Variants in DOCK5 observed in about 807,000 individuals in gnomAD.
DOCK5 encodes dedicator of cytokinesis 5.
In DOCK5, 142 loss-of-function variants were observed where a neutral mutation model predicts 251.8. The ratio of observed to expected loss-of-function variants is 0.56; its 90% CI spans 0.49 to 0.65. The LOEUF is 0.65. DOCK5 is among the 30% of genes least tolerant of loss of function. The pLI is 0.00. For synonymous variants in DOCK5, 842 were observed against 835.5 expected (o/e 1.01, Z -0.13); for missense variants, 2,111 against 2,312.3 (o/e 0.91, Z 1.79).
chr8:25,340,828 T>G, intron 22 of DOCK5, 49 bp from the exon 23 acceptor site: 1 of 1,485,424 alleles, frequency 6.7e-7, no homozygotes, highest in South Asian at 1.2e-5. Context: ...ATTTTAAAAT[T>G]TCTTTTAACA....
At chr8:25,219,253 A>G (rs1802323014) in intron 1 of DOCK5, among the ~76,000 whole-genome samples, 4 of 152,112 alleles carry the variant, frequency 2.6e-5, no homozygotes, top group Admixed American at 2.0e-4. Context: ...CCTTCCTTGT[A>G]CAGTTTTCTT....
rs186914611 is a variant in DOCK5, at chr8:25,236,486, G to T, written c.44-7188G>T. Among the ~76,000 whole-genome samples, 4 of 152,328 alleles carry T rather than the reference G, an allele frequency of 2.6e-5. No individual in the cohort carries two copies. In the East Asian group the frequency reaches 7.7e-4, roughly 29 times the overall value. ...ATCATTGCAGGAAAGCCAAGATGAAGATCAAAGATGAGTTGTGCCTCTTTA... is the reference window on the plus strand; with the variant it reads ...ATCATTGCAGGAAAGCCAAGATGAATATCAAAGATGAGTTGTGCCTCTTTA... On this transcript the variant is annotated intron_variant, in intron 1 of 51. Transcript: ENST00000276440.
At chr8:25,225,617 A>G (rs1802511991) in intron 1 of DOCK5, among the ~76,000 whole-genome samples, 1 of 151,938 alleles carries the variant, frequency 6.6e-6, no homozygotes. Flanking sequence ...GAGGCAGGAG[A>G]ATGGCATGAA....
chr8:25,322,462 G>A (rs1175563135), intron 16 of DOCK5, among the ~76,000 whole-genome samples: 1 of 152,162 alleles, frequency 6.6e-6, no homozygotes, highest in Non-Finnish European at 1.5e-5. Flanking sequence ...GCTAAAGCAG[G>A]ACCAGTGGAG....
At chr8:25,278,819 T>TA (rs1804113240) in intron 5 of DOCK5, among the ~76,000 whole-genome samples, 154 bp downstream of exon 5, 3 of 152,174 alleles carry the variant, frequency 2.0e-5, no homozygotes, top group Admixed American at 1.3e-4. Flanking sequence ...AGATTCTCAT[T>TA]TCCCCAGAGC....
At chr8:25,241,614 ACCACAAATACCATTTGAT>A (rs1463897660) in intron 1 of DOCK5, among the ~76,000 whole-genome samples, 3 of 152,240 alleles carry the variant, frequency 2.0e-5, no homozygotes, top group African/African-American at 7.2e-5. Flanking sequence ...AGGATCTAGA[ACCACAAATACCATTTGAT>A]CCAGTAATCC....
chr8:25,231,876 G>A (rs1046325936), intron 1 of DOCK5, among the ~76,000 whole-genome samples: 20 of 152,036 alleles, frequency 1.3e-4, no homozygotes, highest in Admixed American at 1.0e-3. Flanking sequence ...ATAGAGATCA[G>A]ATTTTACCAA....
intron 5 of DOCK5, among the ~76,000 whole-genome samples, chr8:25,282,849 C>CAAAAAAAAAA (rs56687628): frequency 2.5e-4 from 10 of 39,612 alleles, no homozygotes; most frequent in African/African-American, 7.8e-4. Flanking sequence ...GACCCTTTCT[C>CAAAAAAAAAA]AAAAAAAAAA....
intron 43 of DOCK5, among the ~76,000 whole-genome samples, 176 bp from the exon 44 acceptor site, chr8:25,392,620 T>A (rs1011041712): frequency 6.6e-6 from 1 of 152,178 alleles, no homozygotes; most frequent in Non-Finnish European, 1.5e-5. Flanking sequence ...GCTTTAAACA[T>A]CCAGAATCCT....
intron 30 of DOCK5, 117 bp downstream of exon 30, chr8:25,364,821 G>T: frequency 1.3e-6 from 1 of 756,892 alleles, no homozygotes; most frequent in Non-Finnish European, 2.1e-6. Flanking sequence ...AGGTTTTCCT[G>T]TGTTTTTTCA....
At chr8:25,408,265 C>T (rs1586403356) in intron 49 of DOCK5, 111 bp downstream of exon 49, 3 of 1,184,260 alleles carry the variant, frequency 2.5e-6, no homozygotes, top group Non-Finnish European at 3.5e-6. Flanking sequence ...TGGCTTGTTT[C>T]AGGACTCAGC....
intron 1 of DOCK5, 143 bp downstream of exon 1, chr8:25,185,094 G>A (rs907495247): frequency 2.0e-6 from 2 of 995,054 alleles, no homozygotes; most frequent in Non-Finnish European, 2.6e-6. Flanking sequence ...GCCGGGGACG[G>A]TAGGAGTCCT....
intron 2 of DOCK5, among the ~76,000 whole-genome samples, chr8:25,259,295 C>A (rs1467244507): frequency 1.3e-5 from 2 of 152,074 alleles, no homozygotes; most frequent in Non-Finnish European, 2.9e-5. Context: ...CTACTGTGCC[C>A]CAGCAGGGCC....
At chr8:25,410,419 A>G in intron 51 of DOCK5, among the ~76,000 whole-genome samples, 1 of 151,518 alleles carries the variant, frequency 6.6e-6, no homozygotes, top group African/African-American at 2.4e-5. Flanking sequence ...TGTTCTCTGT[A>G]CCTCGTCCTG....
At chr8:25,301,373 A>G (rs1309795657) in intron 9 of DOCK5, among the ~76,000 whole-genome samples, 1 of 152,168 alleles carries the variant, frequency 6.6e-6, no homozygotes, top group Non-Finnish European at 1.5e-5. Flanking sequence ...TCATTGATGT[A>G]TATCTTGGAG....
intron 9 of DOCK5, among the ~76,000 whole-genome samples, chr8:25,301,851 C>A (rs938296907): frequency 6.6e-6 from 1 of 152,176 alleles, no homozygotes; most frequent in Non-Finnish European, 1.5e-5. Context: ...TAAAGCAGTG[C>A]CTGTCTCATA....
chr8:25,366,219 G>A (rs953058169), intron 30 of DOCK5, among the ~76,000 whole-genome samples: 7 of 152,134 alleles, frequency 4.6e-5, no homozygotes, highest in East Asian at 3.9e-4. Context: ...GGCTGGGCAC[G>A]GTGGCTCACG....
intron 37 of DOCK5, chr8:25,376,171 C>T (rs945166119): frequency 6.4e-5 from 63 of 983,450 alleles, no homozygotes; most frequent in Middle Eastern, 5.2e-4. Context: ...CTGTGGATTT[C>T]GCCATTGTAT....
At chr8:25,216,183 ATATG>A (rs1466711728) in intron 1 of DOCK5, among the ~76,000 whole-genome samples, 2 of 96,438 alleles carry the variant, frequency 2.1e-5, no homozygotes, top group African/African-American at 8.8e-5. Context: ...TGTGCATACA[ATATG>A]TATATATGTA....
Sources: gnomAD v4.1 joint callset for allele counts (sites outside exome capture counted in the v4.1 genomes callset) on GRCh38, gnomAD v4.1.1 for gene constraint, MANE v1.5 for transcripts, NCBI Gene and HGNC (gene_info 2026-07-23, HGNC 2026-07-21) for gene names.